Variants in ATP6V1H observed in about 807,000 individuals in gnomAD.
ATP6V1H encodes the protein V-type proton ATPase subunit H.
ATP6V1H carries 39 observed loss-of-function variants against 71.7 expected under a neutral mutation model. The ratio of observed to expected loss-of-function variants is 0.54; its 90% CI spans 0.42 to 0.71. The LOEUF is 0.71. ATP6V1H is among the 30% of genes least tolerant of loss of function. The pLI, the probability that ATP6V1H is intolerant of heterozygous loss-of-function variation, is 0.00. For synonymous variants in ATP6V1H, 192 were observed against 199.3 expected, an observed-to-expected ratio of 0.96 and a Z score of 0.31; for missense variants, 509 against 594.9, an observed-to-expected ratio of 0.86 and a Z score of 1.50.
chr8:53,828,769 T>C (rs1184764844), intron 4 of ATP6V1H, among the ~76,000 whole-genome samples: 2 of 152,104 alleles, frequency 1.3e-5, no homozygotes, highest in African/African-American at 4.8e-5. Flanking sequence ...TATAAGTTAA[T>C]AGAACAACCC....
At chr8:53,820,531 G>T (rs1194113283) in intron 4 of ATP6V1H, among the ~76,000 whole-genome samples, 1 of 151,896 alleles carries the variant, frequency 6.6e-6, no homozygotes, top group Non-Finnish European at 1.5e-5. Flanking sequence ...GCAAGATGTG[G>T]TGGTAAGCGC....
intron 9 of ATP6V1H, among the ~76,000 whole-genome samples, chr8:53,787,342 T>C (rs1162712219): frequency 6.6e-6 from 1 of 152,216 alleles, no homozygotes; most frequent in Non-Finnish European, 1.5e-5. Flanking sequence ...AATATTTCCA[T>C]GCCATAGCAG....
At chr8:53,792,908 T>C (rs1432418312) in intron 9 of ATP6V1H, among the ~76,000 whole-genome samples, 3 of 152,218 alleles carry the variant, frequency 2.0e-5, no homozygotes, top group Non-Finnish European at 2.9e-5. Context: ...CCTAGCTATT[T>C]TGGCAAATTA....
chr8:53,749,773 A>G, intron 12 of ATP6V1H, among the ~76,000 whole-genome samples: 1 of 152,148 alleles, frequency 6.6e-6, no homozygotes, highest in East Asian at 1.9e-4. Flanking sequence ...TAGCTGTACA[A>G]GCCATGTAAG....
chr8:53,760,815 G>A (rs569378871), intron 11 of ATP6V1H, among the ~76,000 whole-genome samples: 5 of 152,114 alleles, frequency 3.3e-5, no homozygotes, highest in Admixed American at 1.3e-4. Flanking sequence ...CTTCCCTTTC[G>A]GAGTTTAGGC....
At chr8:53,727,006 C>T (rs945231101) in intron 13 of ATP6V1H, among the ~76,000 whole-genome samples, 1 of 152,232 alleles carries the variant, frequency 6.6e-6, no homozygotes. Context: ...TTAGCAATTC[C>T]TTTCAATAAA....
At chr8:53,760,140 A>T (rs1057037395) in intron 11 of ATP6V1H, among the ~76,000 whole-genome samples, 1 of 152,210 alleles carries the variant, frequency 6.6e-6, no homozygotes, top group African/African-American at 2.4e-5. Context: ...CTTCCAACAG[A>T]TAGAAAACAC....
intron 11 of ATP6V1H, among the ~76,000 whole-genome samples, chr8:53,765,451 AACAACACACACACACACACACACACACAC>A (rs1394580304): frequency 1.1e-5 from 1 of 93,140 alleles, no homozygotes; most frequent in Non-Finnish European, 2.0e-5. Flanking sequence ...CAACAACAAC[AACAACACACACACACACACACACACACAC>A]ACACACACAC....
intron 9 of ATP6V1H, among the ~76,000 whole-genome samples, chr8:53,775,957 C>T (rs918311507): frequency 3.9e-5 from 6 of 152,240 alleles, no homozygotes; most frequent in Admixed American, 6.5e-5. Flanking sequence ...GGGGGCGGTG[C>T]TCATCAGGGA....
intron 2 of ATP6V1H, among the ~76,000 whole-genome samples, chr8:53,834,759 G>T (rs1021667614): frequency 1.6e-4 from 24 of 150,542 alleles, no homozygotes; most frequent in African/African-American, 5.8e-4. Context: ...TTAAAAAATT[G>T]TCCCTCCTCC....
intron 9 of ATP6V1H, 148 bp downstream of exon 9, chr8:53,795,499 T>G: frequency 2.9e-6 from 2 of 696,320 alleles, no homozygotes; most frequent in Non-Finnish European, 4.8e-6. Context: ...AAATACAAAT[T>G]AGTGATATTT....
At chr8:53,814,102 A>G (rs918420175) in intron 6 of ATP6V1H, among the ~76,000 whole-genome samples, 1 of 152,182 alleles carries the variant, frequency 6.6e-6, no homozygotes, top group Non-Finnish European at 1.5e-5. Flanking sequence ...CAGTTTGTTT[A>G]TTAGTGTAAT....
intron 4 of ATP6V1H, among the ~76,000 whole-genome samples, chr8:53,820,379 G>A (rs972518312): frequency 1.3e-5 from 2 of 151,376 alleles, no homozygotes; most frequent in Non-Finnish European, 2.9e-5. Context: ...TTAGGGTTCT[G>A]CAAGACAAAA....
At chr8:53,755,719 TA>T (rs1808015049) in intron 12 of ATP6V1H, among the ~76,000 whole-genome samples, 7 of 7,834 alleles carry the variant, frequency 8.9e-4, no homozygotes, top group Admixed American at 1.3e-3. Flanking sequence ...TATATATATA[TA>T]TATATATATA....
At chr8:53,837,210 G>A (rs891430048) in intron 2 of ATP6V1H, among the ~76,000 whole-genome samples, 3 of 151,768 alleles carry the variant, frequency 2.0e-5, no homozygotes, top group African/African-American at 7.3e-5. Context: ...TGAAAATAAT[G>A]TTAAATAGGA....
At chr8:53,820,233 T>A (rs1231792115) in intron 4 of ATP6V1H, among the ~76,000 whole-genome samples, 1 of 151,588 alleles carries the variant, frequency 6.6e-6, no homozygotes, top group African/African-American at 2.4e-5. Flanking sequence ...GAGCACGAGC[T>A]ACAGGGAGCA....
At chr8:53,826,986 G>A (rs571910677) in intron 4 of ATP6V1H, among the ~76,000 whole-genome samples, 1 of 151,848 alleles carries the variant, frequency 6.6e-6, no homozygotes, top group African/African-American at 2.4e-5. Context: ...GGTCACCTAC[G>A]AGAGGGAGGT....
At chr8:53,780,344 A>G (rs889601891) in intron 9 of ATP6V1H, among the ~76,000 whole-genome samples, 1 of 152,138 alleles carries the variant, frequency 6.6e-6, no homozygotes, top group Admixed American at 6.5e-5. Context: ...CAACTTTGTC[A>G]AATCAATCAT....
rs148842725 is a variant in ATP6V1H at position 53,766,765 on chromosome 8, G to A, written c.1175+2853C>T. On this transcript the variant is annotated intron_variant, in intron 11 of 13. Transcript: ENST00000359530. ...AGCGTTCCCAGGCTTATTAGGAAGAGGAAATTCCTGCCTAATAAATTTGGT... is the reference window on the plus strand; with the variant it reads ...AGCGTTCCCAGGCTTATTAGGAAGAAGAAATTCCTGCCTAATAAATTTGGT... Among the ~76,000 whole-genome samples the A allele has an allele frequency of 4.8e-3, 738 of 152,232 alleles. 5 individuals carry two copies. Among genetic ancestry groups the A allele is most frequent in the Admixed American group, 9.0e-3 (137 of 15,298 alleles).
Sources: allele counts gnomAD v4.1 joint callset (sites outside exome capture counted in the v4.1 genomes callset), GRCh38; gene constraint gnomAD v4.1.1; transcripts MANE v1.5; gene names NCBI Gene and HGNC (gene_info 2026-07-23, HGNC 2026-07-21).